The following EVL variants were observed in gnomAD, a reference collection of about 807,000 sequenced individuals.
EVL encodes Enah/Vasp-like, also known as ena/VASP-like protein.
Under a neutral mutation model 59.6 loss-of-function variants are expected in EVL, and 21 were observed. The ratio of observed to expected loss-of-function variants is 0.35; its 90% confidence interval spans 0.25 to 0.51. The LOEUF (loss-of-function observed/expected upper bound fraction) is 0.51. Ranked by LOEUF, EVL falls within the 20% of genes least tolerant of loss-of-function variation. The pLI, the probability that EVL is intolerant of heterozygous loss-of-function variation, is 0.97. For missense variants in EVL, 462 were observed against 546.6 expected, an observed-to-expected ratio of 0.85 and a Z score of 1.54; for synonymous variants, 198 against 203.5, an observed-to-expected ratio of 0.97 and a Z score of 0.23.
At chr14:100,022,435 G>A (rs918683957) in intron 1 of EVL, among the ~76,000 whole-genome samples, 2 of 152,004 alleles carry the variant, frequency 1.3e-5, no homozygotes, top group South Asian at 4.2e-4. Flanking sequence ...GCACCACCAC[G>A]CCCAGATAAT....
chr14:100,102,441 A>AT, intron 3 of EVL: 1 of 450,738 alleles, frequency 2.2e-6, no homozygotes, highest in Non-Finnish European at 4.5e-6. Context: ...TGACATCTAC[A>AT]TTGTCTACAT....
chr14:100,015,792 TGGGC>T (rs2061045344), intron 1 of EVL, among the ~76,000 whole-genome samples: 1 of 152,326 alleles, frequency 6.6e-6, no homozygotes, highest in African/African-American at 2.4e-5. Flanking sequence ...AATTATTGGC[TGGGC>T]ACAGTGGCTC....
At chr14:100,028,658 A>G (rs547662067) in intron 1 of EVL, among the ~76,000 whole-genome samples, 1 of 152,284 alleles carries the variant, frequency 6.6e-6, no homozygotes, top group South Asian at 2.1e-4. Flanking sequence ...TAAAAATACA[A>G]AAATCAGCGA....
At chr14:100,132,465 T>C (rs998610280) in intron 7 of EVL, among the ~76,000 whole-genome samples, 2 of 152,026 alleles carry the variant, frequency 1.3e-5, no homozygotes, top group Admixed American at 1.3e-4. Context: ...TAAACAGACA[T>C]AGAGGCATCT....
chr14:100,126,991 T>G (rs1400791182), intron 5 of EVL, among the ~76,000 whole-genome samples: 3 of 152,334 alleles, frequency 2.0e-5, no homozygotes, highest in African/African-American at 7.2e-5. Flanking sequence ...CCTGCCAACC[T>G]TCTCCGGAGT....
intron 3 of EVL, among the ~76,000 whole-genome samples, chr14:100,121,013 G>A (rs755804487): frequency 1.5e-4 from 23 of 152,206 alleles, no homozygotes; most frequent in Non-Finnish European, 2.8e-4. Context: ...GACTCCTGTG[G>A]AATCCAAGCT....
intron 1 of EVL, among the ~76,000 whole-genome samples, chr14:99,985,197 G>A (rs1006029711): frequency 6.6e-6 from 1 of 151,856 alleles, no homozygotes; most frequent in African/African-American, 2.4e-5. Flanking sequence ...GAGCTATGGA[G>A]ACCTACATAA....
At chr14:100,068,551 G>A (rs1269100352) in intron 1 of EVL, among the ~76,000 whole-genome samples, 3 of 152,212 alleles carry the variant, frequency 2.0e-5, no homozygotes, top group Non-Finnish European at 2.9e-5. Context: ...CCTCTTGGGA[G>A]GCTACCGCAG....
intron 3 of EVL, among the ~76,000 whole-genome samples, chr14:100,101,077 G>A (rs1886186853): frequency 6.6e-6 from 1 of 152,088 alleles, no homozygotes; most frequent in Admixed American, 6.5e-5. Context: ...TCAAGTTTTG[G>A]GTCCGGGCAT....
intron 11 of EVL, 120 bp downstream of exon 11, chr14:100,137,922 G>T (rs971089833): frequency 9.9e-7 from 1 of 1,014,906 alleles, no homozygotes; most frequent in Non-Finnish European, 1.5e-6. Context: ...CTTGCTCTGC[G>T]AAGGTGGTCT....
At chr14:100,111,148 A>ATTTTTTT (rs35367426) in intron 3 of EVL, among the ~76,000 whole-genome samples, 97 of 86,788 alleles carry the variant, frequency 1.1e-3, no homozygotes, top group Non-Finnish European at 1.3e-3. Flanking sequence ...TAGTGTCCTC[A>ATTTTTTT]TTTTTTTTTT....
intron 1 of EVL, among the ~76,000 whole-genome samples, chr14:100,007,245 C>G (rs2060988353): frequency 6.6e-6 from 1 of 151,920 alleles, no homozygotes; most frequent in Non-Finnish European, 1.5e-5. Context: ...GGCAGGACAA[C>G]TCAAGCAGGG....
chr14:100,032,954 T>C (rs1449018319), intron 1 of EVL, among the ~76,000 whole-genome samples: 1 of 152,104 alleles, frequency 6.6e-6, no homozygotes, highest in Admixed American at 6.5e-5. Context: ...TTTAACCTCC[T>C]GCATTATCCT....
chr14:100,036,601 C>T (rs1407736151), intron 1 of EVL, among the ~76,000 whole-genome samples: 1 of 152,010 alleles, frequency 6.6e-6, no homozygotes, highest in African/African-American at 2.4e-5. Context: ...TTGTTCATGT[C>T]TGTTACTTGC....
chr14:100,135,919 C>T lies in EVL; in HGVS notation c.915C>T (p.Thr305=). The T allele has an allele frequency of 1.2e-6, 2 of 1,613,954 alleles. No homozygotes were observed. Among genetic ancestry groups the T allele is most frequent in the Non-Finnish European group, 1.7e-6 (2 of 1,180,016 alleles). Residue 305 remains threonine (T), a synonymous_variant, in exon 9 of 14, where the codon ACC becomes ACT. Coordinates refer to ENST00000392920, the MANE Select transcript of EVL (RefSeq NM_016337.3). ...CTCCATTTTAGGAAGATCCTAGTACCTCCCCCTCTCCGGGGACCCGAGCAG... is the reference window on the plus strand; with the variant it reads ...CTCCATTTTAGGAAGATCCTAGTACTTCCCCCTCTCCGGGGACCCGAGCAG... ...EDESQMEDPS[T]SPSPGTRAAS... is the part of the protein sequence containing the mutation.
At position 100,034,855 on chromosome 14, in the gene EVL, C is replaced by T. The variant is rs556278902; in HGVS notation, c.6-49832C>T. ...TGTTATTCTGGGCAAATTATATATT[C>T]GTTTTGAGTCTCCCTTATCTGTGAA... On this transcript the variant is annotated intron_variant, in intron 1 of 13. Coordinates refer to the EVL transcript ENST00000402714. 2.0e-5 allele frequency among the ~76,000 whole-genome samples: 3 copies of T among 152,284 alleles called. No homozygotes were observed. The South Asian group carries it at 6.2e-4, about 32-fold the overall frequency.
intron 1 of EVL, among the ~76,000 whole-genome samples, chr14:100,068,890 A>G (rs1008622983): frequency 6.6e-6 from 1 of 152,234 alleles, no homozygotes. Context: ...GAAACGTGAT[A>G]TGGATGTGTG....
chr14:99,987,905 A>ATTTTTT (rs774580760), intron 1 of EVL, among the ~76,000 whole-genome samples: 3 of 103,820 alleles, frequency 2.9e-5, no homozygotes, highest in African/African-American at 4.6e-5. Context: ...AGACAACCCA[A>ATTTTTT]TTTTTTTTTT....
At chr14:100,019,478 G>A in intron 1 of EVL, 1 of 540,870 alleles carries the variant, frequency 1.8e-6, no homozygotes, top group Non-Finnish European at 3.2e-6. Flanking sequence ...GCTGCCGCTT[G>A]TCAGCAGCTG....
Sources: allele counts gnomAD v4.1 joint callset (sites outside exome capture counted in the v4.1 genomes callset), GRCh38; gene constraint gnomAD v4.1.1; transcripts MANE v1.5; gene names NCBI Gene and HGNC (gene_info 2026-07-23, HGNC 2026-07-21).